The following PDE4D variants were observed in gnomAD, a reference collection of about 807,000 sequenced individuals.
PDE4D encodes 3',5'-cyclic-AMP phosphodiesterase 4D.
Under a neutral mutation model 87.4 loss-of-function variants are expected in PDE4D, and 24 were observed. The observed-to-expected ratio is 0.27, with a 90% CI of 0.20 to 0.39. The LOEUF is 0.39. Ranked by LOEUF, PDE4D falls within the 10% of genes least tolerant of loss-of-function variation. PDE4D has a pLI of 1.00. For missense variants in PDE4D, 714 were observed against 1,041.0 expected, an observed-to-expected ratio of 0.69 and a Z score of 4.32; for synonymous variants, 384 against 383.2, an observed-to-expected ratio of 1.00 and a Z score of -0.02.
chr5:59,810,278 A>G (rs1358893674), intron 1 of PDE4D, among the ~76,000 whole-genome samples: 1 of 152,208 alleles, frequency 6.6e-6, no homozygotes, highest in Non-Finnish European at 1.5e-5. Flanking sequence ...AAAATTATTC[A>G]TTATGTACAA....
At chr5:59,374,431 G>C (rs1211990706) in intron 1 of PDE4D, among the ~76,000 whole-genome samples, 1 of 152,042 alleles carries the variant, frequency 6.6e-6, no homozygotes, top group African/African-American at 2.4e-5. Context: ...AGACAAAGAA[G>C]GGCATTACAT....
intron 2 of PDE4D, among the ~76,000 whole-genome samples, chr5:60,101,105 T>C (rs998970340): frequency 1.3e-5 from 2 of 152,078 alleles, no homozygotes; most frequent in Non-Finnish European, 2.9e-5. Flanking sequence ...TTGATATGGT[T>C]ATTTGTGTGG....
chr5:59,476,043 C>T (rs753795081), intron 1 of PDE4D, among the ~76,000 whole-genome samples: 2 of 152,050 alleles, frequency 1.3e-5, no homozygotes, highest in Non-Finnish European at 1.5e-5. Context: ...TTATGTTGAT[C>T]ATAGGCTAGG....
chr5:59,817,735 C>T (rs979170755), intron 1 of PDE4D, among the ~76,000 whole-genome samples: 5 of 148,040 alleles, frequency 3.4e-5, no homozygotes, highest in Non-Finnish European at 6.1e-5. Flanking sequence ...CGCGCGCACA[C>T]ACCCACACCC....
At chr5:60,446,155 C>T (rs921309643) in intron 1 of PDE4D, among the ~76,000 whole-genome samples, 3 of 152,008 alleles carry the variant, frequency 2.0e-5, no homozygotes, top group Non-Finnish European at 2.9e-5. Flanking sequence ...ACTTAAGATA[C>T]GGGAAAATGT....
chr5:60,107,175 T>C (rs1372952767), intron 2 of PDE4D, among the ~76,000 whole-genome samples: 2 of 152,086 alleles, frequency 1.3e-5, no homozygotes, highest in East Asian at 3.9e-4. Flanking sequence ...ATAAAGGGAA[T>C]ATCACCAATG....
chr5:59,255,491 G>A (rs1392111603), intron 1 of PDE4D, among the ~76,000 whole-genome samples: 1 of 152,052 alleles, frequency 6.6e-6, no homozygotes, highest in Non-Finnish European at 1.5e-5. Flanking sequence ...TATAGTGGTA[G>A]TAAAATGTTC....
intron 1 of PDE4D, among the ~76,000 whole-genome samples, chr5:60,330,558 G>T (rs1757230569): frequency 6.6e-6 from 1 of 152,158 alleles, no homozygotes; most frequent in Non-Finnish European, 1.5e-5. Flanking sequence ...AGCCAGCATG[G>T]GTGGCCCACA....
At chr5:60,433,199 T>A (rs1051440056) in intron 1 of PDE4D, among the ~76,000 whole-genome samples, 1 of 152,096 alleles carries the variant, frequency 6.6e-6, no homozygotes, top group African/African-American at 2.4e-5. Context: ...AGGTTTAATA[T>A]CCAGAATCTA....
At chr5:59,607,006 GT>G (rs897025371) in intron 1 of PDE4D, among the ~76,000 whole-genome samples, 5 of 151,780 alleles carry the variant, frequency 3.3e-5, no homozygotes, top group Non-Finnish European at 7.4e-5. Context: ...GTGCCTTTTG[GT>G]TAAAAAGTAA....
intron 3 of PDE4D, among the ~76,000 whole-genome samples, chr5:59,944,572 C>T (rs1358487747): frequency 1.3e-5 from 2 of 152,094 alleles, no homozygotes. Context: ...AGGGTTTCAC[C>T]GTGTTAGCCA....
upstream of PDE4D, among the ~76,000 whole-genome samples, chr5:59,896,231 A>C (rs1374037512): frequency 6.6e-6 from 1 of 152,194 alleles, no homozygotes; most frequent in Non-Finnish European, 1.5e-5. Context: ...ACTTAGCACA[A>C]TGCCTTATAT....
At chr5:59,963,084 C>T in intron 3 of PDE4D, among the ~76,000 whole-genome samples, 1 of 152,130 alleles carries the variant, frequency 6.6e-6, no homozygotes, top group East Asian at 1.9e-4. Context: ...ATCCCAATGA[C>T]AGAGCAAAAG....
chr5:59,051,558 T>C (rs982083326), intron 5 of PDE4D, among the ~76,000 whole-genome samples: 1 of 152,236 alleles, frequency 6.6e-6, no homozygotes, highest in African/African-American at 2.4e-5. Flanking sequence ...TTCTCCTTAC[T>C]AATGACGTTT....
intron 2 of PDE4D, among the ~76,000 whole-genome samples, chr5:60,110,204 A>T (rs1416926794): frequency 1.3e-5 from 2 of 152,082 alleles, no homozygotes; most frequent in Non-Finnish European, 2.9e-5. Context: ...TTCTGTACAG[A>T]AAAGAAAACA....
At chr5:60,496,832 A>G (rs1369407823) in intron 1 of PDE4D, among the ~76,000 whole-genome samples, 2 of 152,176 alleles carry the variant, frequency 1.3e-5, no homozygotes, top group Non-Finnish European at 2.9e-5. Context: ...TAAATTAACA[A>G]CTTCCCATAT....
intron 1 of PDE4D, among the ~76,000 whole-genome samples, chr5:60,355,225 C>T (rs991343288): frequency 6.6e-6 from 1 of 152,162 alleles, no homozygotes; most frequent in Non-Finnish European, 1.5e-5. Context: ...TAAGGAAGGT[C>T]ACTGTGACCT....
chr5:59,067,677 G>C (rs1361510824), intron 5 of PDE4D, among the ~76,000 whole-genome samples: 2 of 152,016 alleles, frequency 1.3e-5, no homozygotes, highest in African/African-American at 4.8e-5. Flanking sequence ...CCAATTTCCT[G>C]CCTTATTTAT....
intron 5 of PDE4D, among the ~76,000 whole-genome samples, chr5:59,163,275 C>CTT (rs78168130): frequency 7.4e-6 from 1 of 135,668 alleles, no homozygotes; most frequent in Non-Finnish European, 1.6e-5. Context: ...AATGAACAAT[C>CTT]TTTTTTTTTT....
Sources: gnomAD v4.1 joint callset for allele counts (sites outside exome capture counted in the v4.1 genomes callset) on GRCh38, gnomAD v4.1.1 for gene constraint, MANE v1.5 for transcripts, NCBI Gene and HGNC (gene_info 2026-07-23, HGNC 2026-07-21) for gene names.